THSD7B: variants seen among roughly 807,000 people sequenced by gnomAD.
The protein encoded by THSD7B is thrombospondin type-1 domain-containing protein 7B.
In THSD7B, 138 loss-of-function variants were observed where a neutral mutation model predicts 213.6. The observed-to-expected ratio is 0.65, with a 90% CI of 0.56 to 0.74. The LOEUF (loss-of-function observed/expected upper bound fraction) is 0.74. THSD7B is among the 30% of genes least tolerant of loss of function. The probability of loss-of-function intolerance (pLI) is 0.00; values close to 1 mark genes in which losing one functional copy is unlikely to be tolerated. For synonymous variants in THSD7B, 742 were observed against 687.0 expected (o/e 1.08, Z -1.25); for missense variants, 1,931 against 1,991.5 (o/e 0.97, Z 0.58).
At chr2:137,252,774 CCTTTCCAA>C (rs1186813391) in intron 10 of THSD7B, among the ~76,000 whole-genome samples, 1 of 152,116 alleles carries the variant, frequency 6.6e-6, no homozygotes, top group Non-Finnish European at 1.5e-5. Context: ...GGGAGGTTGG[CCTTTCCAA>C]CTGGTTCAAG....
chr2:137,369,165 A>ATTT (rs140330711), intron 12 of THSD7B, among the ~76,000 whole-genome samples: 10 of 150,310 alleles, frequency 6.7e-5, no homozygotes, highest in African/African-American at 2.2e-4. Context: ...ATATATATAT[A>ATTT]TATTTTTGAC....
chr2:136,893,868 T>G (rs1378908109), intron 2 of THSD7B, among the ~76,000 whole-genome samples: 3 of 152,220 alleles, frequency 2.0e-5, no homozygotes, highest in Non-Finnish European at 4.4e-5. Flanking sequence ...ACTTATTACC[T>G]TATTCTAATA....
Position 137,294,409 on chromosome 2 carries a change from C to G in THSD7B, c.2500+18383C>G, listed in dbSNP as rs545988122. Among the ~76,000 whole-genome samples, 14 of 151,664 alleles carry G rather than the reference C, an allele frequency of 9.2e-5. No individual in the cohort carries two copies. The East Asian group carries it at 2.7e-3, about 29-fold the overall frequency. ...ACCAGCCTGGCCAACATGGTGAAAC[C>G]CCGTCTCTAATAAAAATACAAAAAT... On this transcript the variant is annotated intron_variant, in intron 12 of 27. Coordinates refer to ENST00000409968, the MANE Select transcript of THSD7B (RefSeq NM_001316349.2).
At chr2:137,525,774 T>G (rs763066462) in intron 15 of THSD7B, among the ~76,000 whole-genome samples, 3 of 152,070 alleles carry the variant, frequency 2.0e-5, no homozygotes, top group Non-Finnish European at 4.4e-5. Flanking sequence ...GTTCACACAT[T>G]TATAAGTGTT....
intron 2 of THSD7B, among the ~76,000 whole-genome samples, chr2:137,053,379 A>G (rs1315556041): frequency 1.3e-5 from 2 of 152,104 alleles, no homozygotes; most frequent in African/African-American, 4.8e-5. Context: ...TTCTCCAATG[A>G]TGCAGAAAAA....
chr2:137,273,468 G>A (rs1455130663), intron 11 of THSD7B, among the ~76,000 whole-genome samples: 19 of 152,134 alleles, frequency 1.2e-4, no homozygotes, highest in South Asian at 2.1e-4. Context: ...TTACTGATTT[G>A]TGAATATAAT....
At chr2:137,383,888 G>GC (rs1685833341) in intron 12 of THSD7B, among the ~76,000 whole-genome samples, 2 of 151,998 alleles carry the variant, frequency 1.3e-5, no homozygotes, top group Non-Finnish European at 2.9e-5. Context: ...TGAATTTCTG[G>GC]CCCCCAGAAT....
At chr2:137,240,721 C>T (rs996461162) in intron 9 of THSD7B, among the ~76,000 whole-genome samples, 1 of 152,112 alleles carries the variant, frequency 6.6e-6, no homozygotes, top group Non-Finnish European at 1.5e-5. Flanking sequence ...GGCTGTGTTG[C>T]CCAGGCTAGT....
chr2:137,239,028 G>T (rs746996028), intron 9 of THSD7B, among the ~76,000 whole-genome samples: 1 of 152,056 alleles, frequency 6.6e-6, no homozygotes, highest in African/African-American at 2.4e-5. Flanking sequence ...TTATCAAAGC[G>T]TTACGTGTTT....
intron 10 of THSD7B, among the ~76,000 whole-genome samples, chr2:137,258,622 C>T (rs1682363191): frequency 6.6e-6 from 1 of 151,848 alleles, no homozygotes; most frequent in Non-Finnish European, 1.5e-5. Context: ...CCACCCGCCA[C>T]AGGCACACAT....
chr2:137,579,893 C>A (rs1166558010), intron 17 of THSD7B, among the ~76,000 whole-genome samples: 2 of 152,054 alleles, frequency 1.3e-5, no homozygotes, highest in Admixed American at 6.6e-5. Flanking sequence ...CTTTTAATAT[C>A]ATTTTAGTGG....
intron 1 of THSD7B, among the ~76,000 whole-genome samples, chr2:136,835,788 C>T (rs904078083): frequency 6.6e-6 from 1 of 151,884 alleles, no homozygotes; most frequent in African/African-American, 2.4e-5. Flanking sequence ...ATTCCATGGC[C>T]CAAGAAGAGA....
chr2:137,020,550 C>T lies in THSD7B; in HGVS notation c.140-35870C>T, dbSNP rs964340906. Among the ~76,000 whole-genome samples the T allele has an allele frequency of 4.6e-5, 7 of 152,102 alleles. No homozygotes were observed. In the South Asian group the frequency reaches 8.3e-4, roughly 18 times the overall value. On this transcript the variant is annotated intron_variant, in intron 2 of 27. Coordinates refer to ENST00000409968, the MANE Select transcript of THSD7B (RefSeq NM_001316349.2). ...CAAGTTCGTCTGTGCCAGGACCCCC[C>T]GTTATTTCATTCAGAAGCTAATCAT...
chr2:137,160,408 G>A (rs776480039), intron 6 of THSD7B, 40 bp downstream of exon 6: 26 of 1,600,758 alleles, frequency 1.6e-5, no homozygotes, highest in South Asian at 1.2e-4. Context: ...TGCTGTCAGC[G>A]TACAAACATT....
intron 10 of THSD7B, among the ~76,000 whole-genome samples, chr2:137,243,831 A>G (rs1051485132): frequency 3.9e-5 from 6 of 152,220 alleles, no homozygotes; most frequent in African/African-American, 1.4e-4. Flanking sequence ...CTTCCTGATG[A>G]TCATTTGTCA....
intron 12 of THSD7B, among the ~76,000 whole-genome samples, chr2:137,333,390 C>T (rs1269954965): frequency 3.9e-5 from 6 of 152,104 alleles, no homozygotes; most frequent in Admixed American, 3.9e-4. Context: ...TTCCTTTACT[C>T]TTAGGAAAAA....
intron 15 of THSD7B, among the ~76,000 whole-genome samples, chr2:137,477,591 C>T (rs983251722): frequency 2.7e-5 from 4 of 150,366 alleles, no homozygotes; most frequent in Non-Finnish European, 3.0e-5. Context: ...AGTTTTGTTT[C>T]GTCTTTGTTC....
At chr2:137,549,310 CTTTTTT>C (rs1027305359) in intron 15 of THSD7B, among the ~76,000 whole-genome samples, 1 of 25,206 alleles carries the variant, frequency 4.0e-5, no homozygotes, top group Non-Finnish European at 6.9e-5. Flanking sequence ...TTCAGATGCT[CTTTTTT>C]TTTTTTTTTT....
At chr2:137,587,491 T>C (rs1384939322) in intron 17 of THSD7B, among the ~76,000 whole-genome samples, 2 of 152,192 alleles carry the variant, frequency 1.3e-5, no homozygotes, top group Admixed American at 1.3e-4. Flanking sequence ...TCTTTGATGA[T>C]AGTGACGTAC....
Sources: allele counts gnomAD v4.1 joint callset (sites outside exome capture counted in the v4.1 genomes callset), GRCh38; gene constraint gnomAD v4.1.1; transcripts MANE v1.5; gene names NCBI Gene and HGNC (gene_info 2026-07-23, HGNC 2026-07-21).